Variants in ESR2 observed in about 807,000 individuals in gnomAD.
ESR2 encodes estrogen receptor 2.
In ESR2, 36 loss-of-function variants were observed where a neutral mutation model predicts 49.6. The ratio of observed to expected loss-of-function variants is 0.73; its 90% CI spans 0.56 to 0.96. ESR2 has a LOEUF of 0.96. Among genes scored for constraint, ESR2 ranks in the 40% least tolerant of loss-of-function variants. The pLI, the probability that ESR2 is intolerant of heterozygous loss-of-function variation, is 0.00. For synonymous variants in ESR2, 320 were observed against 266.1 expected, an observed-to-expected ratio of 1.20 and a Z score of -1.97; for missense variants, 714 against 693.0, an observed-to-expected ratio of 1.03 and a Z score of -0.34.
At position 64,257,396 on chromosome 14, in the gene ESR2, C is replaced by T. The variant is rs1468415687; in HGVS notation, c.953-32G>A. 7 of 1,611,318 alleles carry T rather than the reference C, an allele frequency of 4.3e-6. No individual in the cohort carries two copies. In the South Asian group the frequency reaches 5.5e-5, roughly 13 times the overall value. The stretch of plus-strand genomic sequence containing the variant: ...AAAGCAAGAGGCGGTGAGACACCCC[C>T]ACCCCTCCTCCTCAGCTCCCTGTGT... On this transcript the variant is annotated intron_variant, in intron 5 of 8. Coordinates refer to ENST00000341099, the MANE Select transcript of ESR2 (RefSeq NM_001437.3).
chr14:64,277,484 G>T (rs903153758), intron 3 of ESR2, among the ~76,000 whole-genome samples: 1 of 151,924 alleles, frequency 6.6e-6, no homozygotes, highest in Non-Finnish European at 1.5e-5. Context: ...AATTAGCAGG[G>T]TGTGGTGGCC....
chr14:64,280,881 A>G (rs1039046263), intron 2 of ESR2, among the ~76,000 whole-genome samples: 10 of 152,152 alleles, frequency 6.6e-5, no homozygotes, highest in African/African-American at 2.4e-4. Context: ...ATGGTGGTGC[A>G]CACCTGTAAT....
Position 64,235,117 on chromosome 14 carries a change from G to C in ESR2, c.1259C>G (p.Ala420Gly). 6.2e-7 allele frequency: 1 copy of C among 1,614,042 alleles called. No individual in the cohort carries two copies. The highest frequency in any genetic ancestry group is 8.5e-7 in the Non-Finnish European group (1 of 1,180,034). Residue 420 changes from alanine to glycine, a missense_variant, in exon 8 of 9, where the codon GCT becomes GGT. By Grantham distance (60) the Ala-to-Gly change is moderately conservative. Transcript: ENST00000341099. ...GTGAGCCAGCTTCCGGCTGCTGTCA[G>C]CATCCTGGGTCGCTGTGACCAGAGG... ...MYPLVTATQD[A>G]DSSRKLAHLL...
At chr14:64,337,447 A>G (rs952215169) in intron 1 of ESR2, 1 of 152,238 alleles carries the variant, frequency 6.6e-6, no homozygotes, top group Non-Finnish European at 1.5e-5. Flanking sequence ...TTGCTCAGGT[A>G]TAAAACAACT....
At chr14:64,310,042 C>T (rs1319282515) in intron 1 of ESR2, among the ~76,000 whole-genome samples, 1 of 151,892 alleles carries the variant, frequency 6.6e-6, no homozygotes, top group African/African-American at 2.4e-5. Context: ...GCCGAGATCA[C>T]GCCACTGTAC....
In ESR2 at chr14:64,234,952, G is replaced by C; in HGVS notation, c.1406+18C>G. The C allele has an allele frequency of 6.2e-6, 10 of 1,610,204 alleles. No individual in the cohort carries two copies. Among genetic ancestry groups the C allele is most frequent in the Non-Finnish European group, 8.5e-6 (10 of 1,176,720 alleles). ...TCCCATCCCAAGCCCAAGCAGAGCAGCTCCTTAGGGCGCGTACCTCGCATG... is the reference window on the plus strand; with the variant it reads ...TCCCATCCCAAGCCCAAGCAGAGCACCTCCTTAGGGCGCGTACCTCGCATG... On this transcript the variant is annotated intron_variant, in intron 8 of 8. Transcript: ENST00000341099.
At chr14:64,338,496 A>G (rs1186445780), upstream of ESR2, 3 of 154,494 alleles carry the variant, frequency 1.9e-5, no homozygotes, top group Non-Finnish European at 4.4e-5. Context: ...AGCGCCCGCC[A>G]CGCTCCCGCG....
intron 8 of ESR2, chr14:64,233,594 A>T (rs2098729471): frequency 4.8e-6 from 2 of 414,936 alleles, no homozygotes; most frequent in African/African-American, 2.0e-5. Context: ...TGCGGTAATT[A>T]TGTTCCGTAA....
chr14:64,313,700 A>G (rs2077212854), intron 1 of ESR2, among the ~76,000 whole-genome samples: 2 of 151,476 alleles, frequency 1.3e-5, no homozygotes, highest in Admixed American at 1.3e-4. Flanking sequence ...CCATCCTGGC[A>G]CCCCACCTCT....
downstream of ESR2, chr14:64,227,309 G>A: frequency 1.7e-6 from 1 of 577,816 alleles, no homozygotes; most frequent in Non-Finnish European, 3.0e-6. Flanking sequence ...GGCAGTTAAG[G>A]AGACCATCTG....
chr14:64,285,599 G>A (rs1285002670), intron 1 of ESR2, among the ~76,000 whole-genome samples: 2 of 152,056 alleles, frequency 1.3e-5, no homozygotes, highest in Non-Finnish European at 2.9e-5. Context: ...AGGCCGAGGT[G>A]GGTGGATCAC....
intron 1 of ESR2, among the ~76,000 whole-genome samples, chr14:64,300,015 T>C (rs1362926777): frequency 6.6e-6 from 1 of 152,182 alleles, no homozygotes; most frequent in Non-Finnish European, 1.5e-5. Context: ...AGTCAAGTGC[T>C]TCCTCAGCCT....
chr14:64,326,552 C>T (rs1288633634), intron 1 of ESR2, among the ~76,000 whole-genome samples: 2 of 152,154 alleles, frequency 1.3e-5, no homozygotes, highest in African/African-American at 2.4e-5. Flanking sequence ...ATATCTCTTT[C>T]TAATTCTATG....
chr14:64,338,294 CAG>C (rs1170253339), upstream of ESR2: 5 of 155,726 alleles, frequency 3.2e-5, no homozygotes, highest in Non-Finnish European at 7.3e-5. Context: ...GGGCCTGAAA[CAG>C]GGGGCTGCGC....
upstream of ESR2, chr14:64,338,175 G>T (rs1297855699): frequency 6.4e-6 from 1 of 155,126 alleles, no homozygotes; most frequent in African/African-American, 2.4e-5. Flanking sequence ...GGACGTGCGG[G>T]TGACAAAATC....
chr14:64,280,224 AT>A, intron 2 of ESR2, 71 bp from the exon 3 acceptor site: 1 of 1,149,904 alleles, frequency 8.7e-7, no homozygotes, highest in East Asian at 2.4e-5. Context: ...GGAAAAAAAA[AT>A]AGCATGAACA....
chr14:64,257,042 C>T (rs1014238572), intron 6 of ESR2, among the ~76,000 whole-genome samples, 184 bp downstream of exon 6: 1 of 152,092 alleles, frequency 6.6e-6, no homozygotes, highest in African/African-American at 2.4e-5. Flanking sequence ...AGTCACAGGA[C>T]CCTGAATCCT....
chr14:64,309,669 C>G (rs1020647022), intron 1 of ESR2, among the ~76,000 whole-genome samples: 1 of 151,050 alleles, frequency 6.6e-6, no homozygotes, highest in Non-Finnish European at 1.5e-5. Context: ...TAACATCTCA[C>G]TTAACAAGAC....
At chr14:64,265,274 C>T (rs1201024681) in intron 4 of ESR2, among the ~76,000 whole-genome samples, 1 of 152,224 alleles carries the variant, frequency 6.6e-6, no homozygotes, top group South Asian at 2.1e-4. Context: ...TGATGATGAT[C>T]GTAGTGATAA....
Sources: allele counts gnomAD v4.1 joint callset (sites outside exome capture counted in the v4.1 genomes callset), GRCh38; gene constraint gnomAD v4.1.1; transcripts MANE v1.5; gene names NCBI Gene and HGNC (gene_info 2026-07-23, HGNC 2026-07-21).